Variants in STX19 observed in about 807,000 individuals in gnomAD.
The protein encoded by STX19 is syntaxin 19.
In STX19, 26 loss-of-function variants were observed where a neutral mutation model predicts 24.3. The ratio of observed to expected loss-of-function variants is 1.07; its 90% CI spans 0.78 to 1.48. STX19 has a LOEUF of 1.48. STX19 is among the 40% of genes most tolerant of loss of function. STX19 has a pLI of 0.00. For synonymous variants in STX19, 116 were observed against 106.9 expected, an observed-to-expected ratio of 1.09 and a Z score of -0.52; for missense variants, 367 against 331.9, an observed-to-expected ratio of 1.11 and a Z score of -0.82.
chr3:94,018,595 A>G (rs2076381885), intron 1 of STX19, among the ~76,000 whole-genome samples: 1 of 152,008 alleles, frequency 6.6e-6, no homozygotes, highest in Non-Finnish European at 1.5e-5. Flanking sequence ...CTGATGACCC[A>G]AATTTGTATC....
chr3:94,020,649 T>C (rs1168230723), intron 1 of STX19, among the ~76,000 whole-genome samples: 1 of 152,202 alleles, frequency 6.6e-6, no homozygotes, highest in Non-Finnish European at 1.5e-5. Flanking sequence ...TTTATAGATA[T>C]TAAAAGTTTA....
intron 1 of STX19, among the ~76,000 whole-genome samples, chr3:94,021,781 G>A (rs1002681835): frequency 1.3e-5 from 2 of 152,062 alleles, no homozygotes; most frequent in African/African-American, 4.8e-5. Context: ...GCTCTTTCTA[G>A]TATTACTATA....
intron 1 of STX19, among the ~76,000 whole-genome samples, chr3:94,026,122 C>A (rs1291541509): frequency 6.6e-6 from 1 of 151,890 alleles, no homozygotes; most frequent in African/African-American, 2.4e-5. Context: ...CGGGTTCACG[C>A]CATTCTCCTG....
rs2076295610 is a variant in STX19, at chr3:94,014,876, T to C, written c.394A>G (p.Ile132Val). Residue 132 changes from isoleucine to valine, a missense_variant, in exon 2 of 2, where the codon ATA becomes GTA. Ile to Val is a conservative substitution (Grantham distance 29, BLOSUM62 3). Transcript: ENST00000315099. ...ENGPSSVVTRILKSQHAAMFR... is the reference protein window; with the variant it reads ...ENGPSSVVTRVLKSQHAAMFR... ...ATTGCAGCATGCTGAGATTTAAGTA[T>C]CCTTGTGACCACTGAAGATGGACCA... 1.9e-6 allele frequency: 3 copies of C among 1,613,924 alleles called. No individual in the cohort carries two copies. Among genetic ancestry groups the C allele is most frequent in the African/African-American group, 2.7e-5 (2 of 74,944 alleles).
intron 1 of STX19, among the ~76,000 whole-genome samples, chr3:94,023,683 A>T (rs1271742972): frequency 1.3e-5 from 2 of 152,140 alleles, no homozygotes; most frequent in Admixed American, 1.3e-4. Flanking sequence ...GTTTAGACAT[A>T]TCTACTTGAT....
At chr3:94,028,156 C>T (rs2076596982) in intron 1 of STX19, among the ~76,000 whole-genome samples, 1 of 151,990 alleles carries the variant, frequency 6.6e-6, no homozygotes, top group African/African-American at 2.4e-5. Context: ...TTTTTATTAT[C>T]GTAGTCTATT....
intron 1 of STX19, among the ~76,000 whole-genome samples, chr3:94,024,607 A>G (rs1287015649): frequency 6.6e-6 from 1 of 152,072 alleles, no homozygotes; most frequent in Non-Finnish European, 1.5e-5. Context: ...TATTTTTGAG[A>G]TAGGATCTCA....
chr3:94,027,398 A>G lies in STX19; in HGVS notation c.-14+969T>C, dbSNP rs2076580087. ...CTTTTTTCTACATTTTATTTAGTCTAAATAACTTATTGAATTAACTTGTAT... is the reference window on the plus strand; with the variant it reads ...CTTTTTTCTACATTTTATTTAGTCTGAATAACTTATTGAATTAACTTGTAT... On this transcript the variant is annotated intron_variant, in intron 1 of 1. Transcript: ENST00000315099. Among the ~76,000 whole-genome samples, 10 of 148,770 alleles carry G rather than the reference A, an allele frequency of 6.7e-5. No homozygotes were observed. The South Asian group carries it at 2.1e-3, about 31-fold the overall frequency.
chr3:94,020,623 T>C (rs1211426631), intron 1 of STX19, among the ~76,000 whole-genome samples: 1 of 152,164 alleles, frequency 6.6e-6, no homozygotes, highest in Non-Finnish European at 1.5e-5. Context: ...AATCTGTTTG[T>C]GTCAGGAAAA....
At chr3:94,015,722 T>C (rs964986197) in intron 1 of STX19, among the ~76,000 whole-genome samples, 1 of 152,206 alleles carries the variant, frequency 6.6e-6, no homozygotes, top group Non-Finnish European at 1.5e-5. Flanking sequence ...TTGCTAAATA[T>C]GCATCATTCA....
Position 94,028,554 on chromosome 3 carries a change from G to A in STX19, c.-201C>T, listed in dbSNP as rs868855260. 3.3e-4 allele frequency: 50 copies of A among 152,344 alleles called. No individual in the cohort carries two copies. The highest frequency in any genetic ancestry group is 1.1e-3 in the African/African-American group (47 of 41,576). 9.4% of individuals were successfully genotyped at this position (152,344 alleles called of 1,614,324 possible). ...AGCCAAATAATGAAGTCAAATAAGA[G>A]ATAAAGTTGTACGTTTGCTGTTAAT... On this transcript the variant is annotated 5_prime_UTR_variant, in exon 1 of 2. Transcript: ENST00000315099.
intron 1 of STX19, among the ~76,000 whole-genome samples, chr3:94,024,416 C>G (rs1346849436): frequency 1.3e-5 from 2 of 152,132 alleles, no homozygotes; most frequent in African/African-American, 4.8e-5. Context: ...AAATTAAGTC[C>G]TATATTTATA....
At chr3:94,025,146 C>T (rs940935965) in intron 1 of STX19, among the ~76,000 whole-genome samples, 1 of 151,512 alleles carries the variant, frequency 6.6e-6, no homozygotes, top group African/African-American at 2.4e-5. Context: ...TAATATCATT[C>T]CCTGAACATG....
intron 1 of STX19, among the ~76,000 whole-genome samples, chr3:94,015,491 A>G (rs973098850): frequency 1.3e-5 from 2 of 152,224 alleles, no homozygotes; most frequent in African/African-American, 4.8e-5. Flanking sequence ...GTTACTTTGC[A>G]TGTGAGTGCT....
chr3:94,027,801 ATAT>A (rs1439414029), intron 1 of STX19, among the ~76,000 whole-genome samples: 4 of 152,250 alleles, frequency 2.6e-5, no homozygotes, highest in Middle Eastern at 3.4e-3. Context: ...ACTAGTTGAA[ATAT>A]TATAAAGGTT....
intron 1 of STX19, among the ~76,000 whole-genome samples, chr3:94,024,062 T>C (rs973516725): frequency 1.2e-4 from 19 of 152,226 alleles, no homozygotes; most frequent in African/African-American, 2.2e-4. Flanking sequence ...CTTCAACTCA[T>C]AGTCATCTAA....
chr3:94,024,911 A>G (rs939924268), intron 1 of STX19, among the ~76,000 whole-genome samples: 1 of 152,214 alleles, frequency 6.6e-6, no homozygotes, highest in Non-Finnish European at 1.5e-5. Context: ...AATTAGAAAT[A>G]AAGTAATCAA....
In STX19 at chr3:94,015,414, G is replaced by GA. The variant is rs550283124; in HGVS notation, c.-13-133dup. On this transcript the variant is annotated intron_variant, in intron 1 of 1. Coordinates refer to ENST00000315099, the MANE Select transcript of STX19 (RefSeq NM_001001850.3). ...TTTCTCAAATGAGGTTAAAAAGTTA[G>GA]AAAAAACCAATGAGTTTCCTCATAA... The GA allele has an allele frequency of 1.0e-4, 58 of 568,150 alleles. No individual in the cohort carries two copies. The South Asian group carries it at 1.9e-3, about 19-fold the overall frequency. 35.2% of individuals were successfully genotyped at this position (568,150 alleles called of 1,614,324 possible).
chr3:94,025,643 C>A (rs559993389), intron 1 of STX19, among the ~76,000 whole-genome samples: 114 of 152,246 alleles, frequency 7.5e-4, no homozygotes, highest in African/African-American at 2.7e-3. Context: ...GTGTCCTGAT[C>A]AATTATGGAT....
Sources: gnomAD v4.1 joint callset for allele counts (sites outside exome capture counted in the v4.1 genomes callset) on GRCh38, gnomAD v4.1.1 for gene constraint, MANE v1.5 for transcripts, NCBI Gene and HGNC (gene_info 2026-07-23, HGNC 2026-07-21) for gene names.